The following LRRC8A variants were observed in gnomAD, a reference collection of about 807,000 sequenced individuals.
The protein encoded by LRRC8A is volume-regulated anion channel subunit LRRC8A.
Under a neutral mutation model 52.5 loss-of-function variants are expected in LRRC8A, and 24 were observed. The observed-to-expected ratio is 0.46, with a 90% CI of 0.33 to 0.64. The LOEUF is 0.64. LRRC8A is among the 30% of genes least tolerant of loss of function. The pLI is 0.02. For synonymous variants in LRRC8A, 492 were observed against 494.2 expected, an observed-to-expected ratio of 1.00 and a Z score of 0.06; for missense variants, 677 against 1,094.7, an observed-to-expected ratio of 0.62 and a Z score of 5.38.
intron 3 of LRRC8A, among the ~76,000 whole-genome samples, chr9:128,914,467 T>C (rs1840717394): frequency 6.6e-6 from 1 of 152,138 alleles, no homozygotes; most frequent in African/African-American, 2.4e-5. Flanking sequence ...CTTCCAGAGT[T>C]ACCCTGTAAC....
At chr9:128,909,732 G>T (rs142176561) in intron 3 of LRRC8A, among the ~76,000 whole-genome samples, 2 of 152,206 alleles carry the variant, frequency 1.3e-5, no homozygotes, top group African/African-American at 4.8e-5. Context: ...CCTGGAGTTT[G>T]TGTCTTCCTC....
At chr9:128,913,550 C>G (rs1055247866) in intron 3 of LRRC8A, among the ~76,000 whole-genome samples, 1 of 152,036 alleles carries the variant, frequency 6.6e-6, no homozygotes, top group African/African-American at 2.4e-5. Flanking sequence ...AGTACCTCCC[C>G]TTTTCTCTCT....
chr9:128,885,034 C>T (rs1839335624), intron 1 of LRRC8A: 1 of 152,750 alleles, frequency 6.5e-6, no homozygotes, highest in Non-Finnish European at 1.5e-5. Context: ...CCTCCTCCTT[C>T]CTGGGTAACT....
intron 3 of LRRC8A, among the ~76,000 whole-genome samples, chr9:128,912,446 G>A (rs1840591568): frequency 7.2e-6 from 1 of 139,068 alleles, no homozygotes; most frequent in African/African-American, 2.6e-5. Flanking sequence ...TGGTGGGGAG[G>A]AGCAGTGAGA....
At chr9:128,915,393 G>C (rs1414818165) in intron 3 of LRRC8A, among the ~76,000 whole-genome samples, 2 of 152,168 alleles carry the variant, frequency 1.3e-5, no homozygotes, top group East Asian at 1.9e-4. Context: ...GTGGCGCGAT[G>C]TCGGCTCTGC....
At chr9:128,885,674 G>A (rs536421122) in intron 1 of LRRC8A, among the ~76,000 whole-genome samples, 25 of 152,280 alleles carry the variant, frequency 1.6e-4, no homozygotes, top group Admixed American at 1.2e-3. Context: ...TTGGGAGGCC[G>A]AGGCGGGCAG....
At chr9:128,912,554 A>G (rs930872395) in intron 3 of LRRC8A, among the ~76,000 whole-genome samples, 8 of 151,894 alleles carry the variant, frequency 5.3e-5, no homozygotes, top group Non-Finnish European at 7.4e-5. Context: ...CTCAGTTTCA[A>G]TTGTCTCTTC....
chr9:128,894,376 T>C (rs1225445069), intron 2 of LRRC8A, among the ~76,000 whole-genome samples: 2 of 151,742 alleles, frequency 1.3e-5, no homozygotes, highest in African/African-American at 2.4e-5. Flanking sequence ...CCCAGCTACT[T>C]GGGAGGCTGA....
At chr9:128,888,275 A>G (rs1839474509) in intron 2 of LRRC8A, among the ~76,000 whole-genome samples, 1 of 152,134 alleles carries the variant, frequency 6.6e-6, no homozygotes, top group Non-Finnish European at 1.5e-5. Flanking sequence ...CCTGCTTGTC[A>G]GATCATAATT....
intron 2 of LRRC8A, among the ~76,000 whole-genome samples, chr9:128,889,596 G>A (rs1028569899): frequency 3.9e-5 from 6 of 151,924 alleles, no homozygotes; most frequent in Non-Finnish European, 7.4e-5. Flanking sequence ...CCAGGTTCAA[G>A]CTATTCTCCT....
rs754714008 is a variant in LRRC8A at position 128,916,402 on chromosome 9, G to A, written c.*31G>A. 1 of 1,591,310 alleles carries A rather than the reference G, an allele frequency of 6.3e-7. No homozygotes were observed. Among genetic ancestry groups the A allele is most frequent in the East Asian group, 2.2e-5 (1 of 44,456 alleles). On this transcript the variant is annotated 3_prime_UTR_variant, in exon 4 of 4. Transcript: ENST00000372600. This position sits in a 1 kb window ranked among gnomAD's most constrained non-coding sequence, Gnocchi z 6.1. ...GCCGGCCCAGCACAGCAAGCAGCAGGACCGCTGCCCAGTCCTCAGGCCCGG... is the reference window on the plus strand; with the variant it reads ...GCCGGCCCAGCACAGCAAGCAGCAGAACCGCTGCCCAGTCCTCAGGCCCGG...
At chr9:128,890,858 C>T (rs1055035068) in intron 2 of LRRC8A, among the ~76,000 whole-genome samples, 5 of 152,162 alleles carry the variant, frequency 3.3e-5, no homozygotes, top group African/African-American at 1.2e-4. Context: ...AAATATGAGC[C>T]AACAAACGTT....
At chr9:128,914,815 C>T (rs1003465178) in intron 3 of LRRC8A, among the ~76,000 whole-genome samples, 1 of 152,232 alleles carries the variant, frequency 6.6e-6, no homozygotes, top group Non-Finnish European at 1.5e-5. Flanking sequence ...ATGGCCCCAG[C>T]TGATTCCTCG....
intron 2 of LRRC8A, among the ~76,000 whole-genome samples, chr9:128,895,242 G>C (rs545632827): frequency 1.4e-4 from 21 of 152,216 alleles, no homozygotes; most frequent in African/African-American, 5.1e-4. Flanking sequence ...GTAGAAGCTC[G>C]GGAGGCTGAG....
chr9:128,905,170 C>G (rs1840195884), intron 2 of LRRC8A, among the ~76,000 whole-genome samples: 1 of 152,256 alleles, frequency 6.6e-6, no homozygotes, highest in East Asian at 1.9e-4. Flanking sequence ...AAGATCCAAT[C>G]TCTTACAAGA....
At chr9:128,914,636 G>A (rs528013149) in intron 3 of LRRC8A, among the ~76,000 whole-genome samples, 43 of 152,296 alleles carry the variant, frequency 2.8e-4, no homozygotes, top group South Asian at 2.3e-3. Context: ...AAATGGGGGC[G>A]GTGATAGAGC....
Position 128,895,814 on chromosome 9 carries a change from G to T in LRRC8A, c.-9+9693G>T, listed in dbSNP as rs573019960. Among the ~76,000 whole-genome samples the T allele has an allele frequency of 2.0e-5, 3 of 152,346 alleles. No individual in the cohort carries two copies. The South Asian group carries it at 6.2e-4, about 32-fold the overall frequency. On this transcript the variant is annotated intron_variant, in intron 2 of 3. Coordinates refer to ENST00000372600, the MANE Select transcript of LRRC8A (RefSeq NM_019594.4). ...GCTGCTCCCCGCTGAGCCTTCGCCT[G>T]TGGGAGGTTGGGGAGAGCACTGGCT...
chr9:128,882,463 G>A (rs1391886552), intron 1 of LRRC8A: 1 of 366,906 alleles, frequency 2.7e-6, no homozygotes, highest in African/African-American at 2.1e-5. Context: ...CCGGCTCCGC[G>A]GCGCGCGAGC....
Position 128,909,073 on chromosome 9 carries a change from C to T in LRRC8A, c.1909C>T (p.His637Tyr). ...KTIEEIISFQHLHRLTCLKLW... is the reference protein window; with the variant it reads ...KTIEEIISFQYLHRLTCLKLW... The stretch of plus-strand genomic sequence containing the variant: ...CATCGAGGAGATCATCAGCTTCCAG[C>T]ACCTGCACCGCCTCACCTGCCTTAA... Residue 637 changes from histidine (H) to tyrosine (Y), a missense_variant, in exon 3 of 4, where the codon CAC becomes TAC. By Grantham distance (83) the His-to-Tyr change is moderately conservative. Coordinates refer to ENST00000372600, the MANE Select transcript of LRRC8A (RefSeq NM_019594.4). The T allele has an allele frequency of 6.2e-7, 1 of 1,614,166 alleles. No homozygotes were observed. Among genetic ancestry groups the T allele is most frequent in the Non-Finnish European group, 8.5e-7 (1 of 1,180,036 alleles).
Sources: allele counts gnomAD v4.1 joint callset (sites outside exome capture counted in the v4.1 genomes callset), GRCh38; gene constraint gnomAD v4.1.1; non-coding constraint Gnocchi (gnomAD v3.1); transcripts MANE v1.5; gene names NCBI Gene and HGNC (gene_info 2026-07-23, HGNC 2026-07-21).